Variants in ATRNL1 observed in about 807,000 individuals in gnomAD.
ATRNL1 encodes the protein attractin-like protein 1.
Under a neutral mutation model 182.7 loss-of-function variants are expected in ATRNL1, and 95 were observed. That is an observed-to-expected ratio of 0.52 (90% CI 0.44 to 0.62). ATRNL1 has a LOEUF of 0.62. Among genes scored for constraint, ATRNL1 ranks in the 20% least tolerant of loss-of-function variants. The probability of loss-of-function intolerance (pLI) is 0.00; values close to 1 mark genes in which losing one functional copy is unlikely to be tolerated. For missense variants in ATRNL1, 1,471 were observed against 1,679.5 expected, an observed-to-expected ratio of 0.88 and a Z score of 2.17; for synonymous variants, 576 against 568.3, an observed-to-expected ratio of 1.01 and a Z score of -0.19.
At chr10:115,264,666 T>C (rs1450907772) in intron 10 of ATRNL1, among the ~76,000 whole-genome samples, 1 of 151,564 alleles carries the variant, frequency 6.6e-6, no homozygotes, top group Non-Finnish European at 1.5e-5. Flanking sequence ...GTTTTGCAGT[T>C]AAAATAATTC....
intron 10 of ATRNL1, among the ~76,000 whole-genome samples, chr10:115,264,856 T>C (rs115604377): frequency 0.012 from 1,787 of 151,768 alleles, 34 homozygotes; most frequent in African/African-American, 0.04. Context: ...TGCCCTATAC[T>C]GACATTCATA....
At chr10:115,928,073 C>T (rs1953287670) in intron 28 of ATRNL1, among the ~76,000 whole-genome samples, 1 of 152,026 alleles carries the variant, frequency 6.6e-6, no homozygotes, top group Non-Finnish European at 1.5e-5. Context: ...ATTTCTAAGG[C>T]TCCTTCCAGC....
chr10:115,154,488 A>G (rs1340577751), intron 5 of ATRNL1, among the ~76,000 whole-genome samples: 2 of 152,062 alleles, frequency 1.3e-5, no homozygotes, highest in Admixed American at 6.6e-5. Flanking sequence ...CATTCTTCGA[A>G]GAAGAAAGGT....
At chr10:115,336,258 G>T (rs1259699066) in intron 19 of ATRNL1, among the ~76,000 whole-genome samples, 1 of 152,168 alleles carries the variant, frequency 6.6e-6, no homozygotes, top group Non-Finnish European at 1.5e-5. Context: ...GGACCAGGAA[G>T]ATCCAGTTGT....
Position 115,946,066 on chromosome 10 carries a change from T to C in ATRNL1, c.*1287T>C, listed in dbSNP as rs1169202501. On this transcript the variant is annotated 3_prime_UTR_variant, in exon 29 of 29. Transcript: ENST00000355044. The stretch of plus-strand genomic sequence containing the variant: ...TAAAGCTCAGTAGCATTAACAGATA[T>C]AGTTTGGAATTGCAGTTTCCTCACT... The C allele has an allele frequency of 6.6e-6, 1 of 152,226 alleles. No homozygotes were observed. The highest frequency in any genetic ancestry group is 1.5e-5 in the Non-Finnish European group (1 of 68,044). 9.4% of individuals were successfully genotyped at this position (152,226 alleles called of 1,614,324 possible).
rs113440865 is a variant in ATRNL1 at position 115,897,176 on chromosome 10, TG to T, written c.4019-47481del. Among the ~76,000 whole-genome samples the T allele has an allele frequency of 1.8e-3, 278 of 152,312 alleles. 1 individual carries two copies. The highest frequency in any genetic ancestry group is 5.9e-3 in the African/African-American group (244 of 41,580). ...AAGAAAGAAATAGGAATGGCCTATA[TG>T]AACATGAAAATATATTCAATCTTGC... is the stretch of plus-strand genomic sequence containing the variant. On this transcript the variant is annotated intron_variant, in intron 28 of 28. Transcript: ENST00000355044.
At chr10:115,328,013 C>T (rs1220745059) in intron 18 of ATRNL1, among the ~76,000 whole-genome samples, 3 of 151,742 alleles carry the variant, frequency 2.0e-5, no homozygotes, top group African/African-American at 7.3e-5. Flanking sequence ...GTGCAGCGCA[C>T]CAGCATGGCA....
intron 19 of ATRNL1, among the ~76,000 whole-genome samples, chr10:115,376,196 G>T (rs898974560): frequency 1.3e-5 from 2 of 151,526 alleles, no homozygotes. Context: ...TTTTTAAAGG[G>T]GGTAGGGATT....
At chr10:115,355,779 T>C (rs782723015) in intron 19 of ATRNL1, among the ~76,000 whole-genome samples, 1 of 152,114 alleles carries the variant, frequency 6.6e-6, no homozygotes, top group Non-Finnish European at 1.5e-5. Flanking sequence ...ATTACATTTG[T>C]AATTGGTAAT....
Position 115,129,332 on chromosome 10 carries a change from ATTC to A in ATRNL1, c.629_631del (p.Ser210del). The A allele has an allele frequency of 1.2e-6, 2 of 1,611,336 alleles. No individual in the cohort carries two copies. Among genetic ancestry groups the A allele is most frequent in the Non-Finnish European group, 8.5e-7 (1 of 1,177,776 alleles). On this transcript the variant is annotated inframe_deletion, in exon 5 of 29. Coordinates refer to ENST00000355044, the MANE Select transcript of ATRNL1 (RefSeq NM_207303.4). ...ATATGAATTATATTTTACAGAATCA[ATTC>A]TTGTCCTAACAATTGCTCTGGTCAT... is the stretch of plus-strand genomic sequence containing the variant.
intron 26 of ATRNL1, among the ~76,000 whole-genome samples, chr10:115,560,473 A>C (rs543209297): frequency 1.3e-5 from 2 of 152,190 alleles, no homozygotes; most frequent in African/African-American, 4.8e-5. Context: ...CAGCAAAACC[A>C]TATCACTCTG....
intron 28 of ATRNL1, among the ~76,000 whole-genome samples, chr10:115,924,816 G>A (rs1238531253): frequency 1.3e-5 from 2 of 152,082 alleles, no homozygotes; most frequent in Non-Finnish European, 2.9e-5. Flanking sequence ...GAATAGCGTT[G>A]GATCTATAAA....
At chr10:115,726,370 C>T (rs1396736837) in intron 26 of ATRNL1, among the ~76,000 whole-genome samples, 3 of 150,440 alleles carry the variant, frequency 2.0e-5, no homozygotes, top group African/African-American at 7.3e-5. Flanking sequence ...TATTTAATTG[C>T]ATCACACGTC....
intron 28 of ATRNL1, among the ~76,000 whole-genome samples, chr10:115,907,815 G>C (rs961498447): frequency 6.6e-6 from 1 of 152,100 alleles, no homozygotes. Context: ...TAGAGGATCT[G>C]ATGAAGGTCT....
intron 28 of ATRNL1, among the ~76,000 whole-genome samples, chr10:115,910,478 A>AC (rs1259270528): frequency 6.6e-6 from 1 of 151,164 alleles, no homozygotes; most frequent in Non-Finnish European, 1.5e-5. Context: ...TAACTGAGCC[A>AC]CCCCCCACCC....
chr10:115,491,938 T>C (rs7093703), intron 24 of ATRNL1, among the ~76,000 whole-genome samples: 76,727 of 151,924 alleles, frequency 0.51, 20,046 homozygotes, highest in African/African-American at 0.59. Flanking sequence ...CGCACAGTAT[T>C]TGGCCTGGAG....
Position 115,868,983 on chromosome 10 carries a change from C to T in ATRNL1, c.4018+20992C>T, listed in dbSNP as rs576535999. ...TAGCTGGGAGTACAGGCGCCCGCCACCACGCCCGGCTAATTTTTTGTATTT... is the reference window on the plus strand; with the variant it reads ...TAGCTGGGAGTACAGGCGCCCGCCATCACGCCCGGCTAATTTTTTGTATTT... On this transcript the variant is annotated intron_variant, in intron 28 of 28. Transcript: ENST00000355044. Among the ~76,000 whole-genome samples, 532 of 151,844 alleles carry T rather than the reference C, an allele frequency of 3.5e-3. 3 individuals are homozygous for T. The highest frequency in any genetic ancestry group is 0.012 in the African/African-American group (511 of 41,436).
intron 8 of ATRNL1, among the ~76,000 whole-genome samples, chr10:115,195,121 G>C (rs1554890713): frequency 6.6e-6 from 1 of 151,944 alleles, no homozygotes; most frequent in African/African-American, 2.4e-5. Context: ...TTCTACTACA[G>C]ATATGAGTGC....
intron 26 of ATRNL1, among the ~76,000 whole-genome samples, chr10:115,701,273 C>A (rs574598532): frequency 3.3e-5 from 5 of 151,986 alleles, no homozygotes; most frequent in African/African-American, 1.2e-4. Flanking sequence ...AATATAGATA[C>A]AACATACCAA....
Sources: allele counts gnomAD v4.1 joint callset (sites outside exome capture counted in the v4.1 genomes callset), GRCh38; gene constraint gnomAD v4.1.1; transcripts MANE v1.5; gene names NCBI Gene and HGNC (gene_info 2026-07-23, HGNC 2026-07-21).